RPL22: variants seen among roughly 807,000 people sequenced by gnomAD.
RPL22 encodes the protein ribosomal protein L22, also known as large ribosomal subunit protein eL22.
A neutral mutation model predicts 16.2 loss-of-function variants in RPL22; 4 were observed. That is an observed-to-expected ratio of 0.25 (90% CI 0.12 to 0.57). The LOEUF (loss-of-function observed/expected upper bound fraction) is 0.57. RPL22 is among the 20% of genes least tolerant of loss of function. The pLI, the probability that RPL22 is intolerant of heterozygous loss-of-function variation, is 0.92. For synonymous variants in RPL22, 43 were observed against 54.8 expected, an observed-to-expected ratio of 0.78 and a Z score of 0.95; for missense variants, 83 against 156.1, an observed-to-expected ratio of 0.53 and a Z score of 2.49.
intron 3 of RPL22, among the ~76,000 whole-genome samples, chr1:6,191,753 T>C (rs1667654239): frequency 6.6e-6 from 1 of 151,718 alleles, no homozygotes; most frequent in Non-Finnish European, 1.5e-5. Context: ...ATCCTTGTAC[T>C]TTGGGAGGCT....
intron 3 of RPL22, among the ~76,000 whole-genome samples, chr1:6,189,770 A>C (rs915544377): frequency 6.6e-6 from 1 of 151,926 alleles, no homozygotes; most frequent in Non-Finnish European, 1.5e-5. Flanking sequence ...AAATACAAAA[A>C]ATTAACCGGG....
intron 3 of RPL22, among the ~76,000 whole-genome samples, chr1:6,190,356 C>T (rs1347161956): frequency 6.6e-6 from 1 of 152,148 alleles, no homozygotes; most frequent in Non-Finnish European, 1.5e-5. Flanking sequence ...AATTTCCCAC[C>T]ACTTGATTTA....
intron 1 of RPL22, chr1:6,199,073 T>C (rs991339328): frequency 1.5e-4 from 25 of 163,610 alleles, no homozygotes; most frequent in Non-Finnish European, 2.5e-4. Flanking sequence ...ATAAACTAAT[T>C]TCCTCTGGGG....
rs1667583681 is a variant in RPL22, at chr1:6,186,551, CT to C, written c.*120del. 1.6e-6 allele frequency: 1 copy of C among 630,974 alleles called. No individual in the cohort carries two copies. Among genetic ancestry groups the C allele is most frequent in the Non-Finnish European group, 2.6e-6 (1 of 387,482 alleles). The allele number at this position is 630,974 out of a possible 1,614,324, so 39.1% of individuals were successfully genotyped here. A position where few individuals can be genotyped will look rare whatever the true frequency, so the allele number is the denominator to read the frequency against. ...AATGAGTGGCGAACCAAGGGAAGCC[CT>C]TTGACTATGATTTCCAATTTTCTGT... On this transcript the variant is annotated 3_prime_UTR_variant, in exon 4 of 4. Coordinates refer to ENST00000234875, the MANE Select transcript of RPL22 (RefSeq NM_000983.4).
At chr1:6,196,115 G>A (rs892377156) in intron 2 of RPL22, among the ~76,000 whole-genome samples, 1 of 152,170 alleles carries the variant, frequency 6.6e-6, no homozygotes, top group African/African-American at 2.4e-5. Flanking sequence ...ATTAACCATA[G>A]ATGGGGCACA....
At chr1:6,191,721 G>A (rs1388000396) in intron 3 of RPL22, among the ~76,000 whole-genome samples, 1 of 151,352 alleles carries the variant, frequency 6.6e-6, no homozygotes, top group Non-Finnish European at 1.5e-5. Flanking sequence ...GTGTGGGCCA[G>A]GCGCAGTGGC....
chr1:6,194,390 A>G (rs995888901), intron 2 of RPL22, among the ~76,000 whole-genome samples: 1 of 152,224 alleles, frequency 6.6e-6, no homozygotes, highest in African/African-American at 2.4e-5. Flanking sequence ...CATGTGTGGT[A>G]CAGCAGAAGC....
At chr1:6,193,183 G>A (rs1156474448) in intron 2 of RPL22, 129 bp from the exon 3 acceptor site, 3 of 1,081,130 alleles carry the variant, frequency 2.8e-6, no homozygotes, top group African/African-American at 1.6e-5. Context: ...TCTCACCAGC[G>A]CAATCACAGC....
chr1:6,192,793 G>T, intron 3 of RPL22, 137 bp downstream of exon 3: 1 of 1,008,826 alleles, frequency 9.9e-7, no homozygotes, highest in Non-Finnish European at 1.5e-6. Flanking sequence ...TTCATCCACT[G>T]CCTCCTGCAC....
chr1:6,189,246 A>T (rs1026171422), intron 3 of RPL22, among the ~76,000 whole-genome samples: 1 of 152,068 alleles, frequency 6.6e-6, no homozygotes, highest in Non-Finnish European at 1.5e-5. Flanking sequence ...CAACAAAGCA[A>T]TCGCCACAAA....
chr1:6,197,833 T>A, intron 1 of RPL22, 77 bp from the exon 2 acceptor site: 1 of 1,048,254 alleles, frequency 9.5e-7, no homozygotes, highest in Non-Finnish European at 1.5e-6. Context: ...ACCAGAAACG[T>A]CATAGGTATA....
chr1:6,193,655 TGG>T (rs1667681458), intron 2 of RPL22, among the ~76,000 whole-genome samples: 1 of 150,682 alleles, frequency 6.6e-6, no homozygotes, highest in Non-Finnish European at 1.5e-5. Context: ...CTCTCTATGT[TGG>T]CTAGATTGGT....
rs184272458 is a variant in RPL22 at position 6,187,080 on chromosome 1, G to A, written c.243-264C>T. On this transcript the variant is annotated intron_variant, in intron 3 of 3. Coordinates refer to ENST00000234875, the MANE Select transcript of RPL22 (RefSeq NM_000983.4). Reference sequence around the variant, plus strand: ...CCCAGCGCTTTGGGAGGCCAAGGCAGGCAGATCACTTGAGGTCAGGAGTTC... The same window carrying A: ...CCCAGCGCTTTGGGAGGCCAAGGCAAGCAGATCACTTGAGGTCAGGAGTTC... Among the ~76,000 whole-genome samples the A allele has an allele frequency of 2.0e-5, 3 of 152,210 alleles. No homozygotes were observed. In the East Asian group the frequency reaches 5.8e-4, roughly 29 times the overall value.
At position 6,199,593 on chromosome 1, in the gene RPL22, A is replaced by C; in HGVS notation, c.-20T>G. 1 of 1,566,442 alleles carries C rather than the reference A, an allele frequency of 6.4e-7. No individual in the cohort carries two copies. Among genetic ancestry groups the C allele is most frequent in the Non-Finnish European group, 8.7e-7 (1 of 1,155,546 alleles). On this transcript the variant is annotated 5_prime_UTR_variant, in exon 1 of 4. Transcript: ENST00000234875. ...AGCCATGGCGGCAGCGGAGTTAGAA[A>C]GGGAGGTGAGCGAACTACGCAGACG...
At chr1:6,199,474 C>G (rs1413321840) in intron 1 of RPL22, 88 bp downstream of exon 1, 1 of 1,521,980 alleles carries the variant, frequency 6.6e-7, no homozygotes, top group African/African-American at 1.4e-5. Context: ...TGCAGGGCGC[C>G]GTCCCCAGCG....
At chr1:6,197,878 G>A in intron 1 of RPL22, 122 bp from the exon 2 acceptor site, 1 of 761,022 alleles carries the variant, frequency 1.3e-6, no homozygotes, top group Non-Finnish European at 2.2e-6. Flanking sequence ...ACGGAAGTGT[G>A]CTCCCTTTGC....
At chr1:6,192,561 T>C (rs1458144681) in intron 3 of RPL22, among the ~76,000 whole-genome samples, 1 of 152,092 alleles carries the variant, frequency 6.6e-6, no homozygotes, top group Non-Finnish European at 1.5e-5. Flanking sequence ...TATCCGGGCA[T>C]GGTGGCAGGT....
chr1:6,195,087 A>G (rs556300112), intron 2 of RPL22, among the ~76,000 whole-genome samples: 1 of 151,638 alleles, frequency 6.6e-6, no homozygotes, highest in Non-Finnish European at 1.5e-5. Flanking sequence ...CAGTGAGCCA[A>G]GATCGTGCCA....
At chr1:6,188,776 C>T (rs571506956) in intron 3 of RPL22, among the ~76,000 whole-genome samples, 46 of 151,538 alleles carry the variant, frequency 3.0e-4, no homozygotes, top group African/African-American at 1.1e-3. Flanking sequence ...ATGAGATGCT[C>T]AGAGAGATCC....
Sources: allele counts gnomAD v4.1 joint callset (sites outside exome capture counted in the v4.1 genomes callset), GRCh38; gene constraint gnomAD v4.1.1; transcripts MANE v1.5; gene names NCBI Gene and HGNC (gene_info 2026-07-23, HGNC 2026-07-21).